SPATA16: variants seen among roughly 807,000 people sequenced by gnomAD.
SPATA16 encodes the protein spermatogenesis associated 16.
A neutral mutation model predicts 63.3 loss-of-function variants in SPATA16; 36 were observed. The observed-to-expected ratio is 0.57, with a 90% confidence interval of 0.44 to 0.75. SPATA16 has a LOEUF of 0.75. Ranked by LOEUF, SPATA16 falls within the 30% of genes least tolerant of loss-of-function variation. The pLI is 0.00. For synonymous variants in SPATA16, 203 were observed against 216.7 expected (o/e 0.94, Z 0.56); for missense variants, 646 against 679.3 (o/e 0.95, Z 0.54).
intron 6 of SPATA16, among the ~76,000 whole-genome samples, chr3:172,931,387 C>T (rs983181488): frequency 1.7e-4 from 26 of 152,164 alleles, no homozygotes; most frequent in Admixed American, 9.8e-4. Context: ...ACTAAAGGTA[C>T]ATGCCCCCAT....
At chr3:173,026,510 T>C (rs1735457013) in intron 3 of SPATA16, among the ~76,000 whole-genome samples, 1 of 151,962 alleles carries the variant, frequency 6.6e-6, no homozygotes, top group East Asian at 1.9e-4. Context: ...AAAACTTTGC[T>C]TAATCCAAGG....
At chr3:172,920,512 G>T (rs536084194) in intron 8 of SPATA16, among the ~76,000 whole-genome samples, 1 of 152,276 alleles carries the variant, frequency 6.6e-6, no homozygotes, top group African/African-American at 2.4e-5. Context: ...AAATGCTTTG[G>T]TTGAGAGTAA....
At chr3:172,941,995 A>G (rs1038616621) in intron 6 of SPATA16, among the ~76,000 whole-genome samples, 2 of 152,168 alleles carry the variant, frequency 1.3e-5, no homozygotes, top group African/African-American at 4.8e-5. Flanking sequence ...ATAAAGAAAA[A>G]ATGAATAAAA....
At chr3:173,134,743 G>A (rs1738493273) in intron 1 of SPATA16, among the ~76,000 whole-genome samples, 1 of 152,142 alleles carries the variant, frequency 6.6e-6, no homozygotes, top group Non-Finnish European at 1.5e-5. Context: ...AACAGAATAA[G>A]TCAAAAACTA....
intron 5 of SPATA16, among the ~76,000 whole-genome samples, chr3:172,957,185 C>G (rs1733617589): frequency 6.6e-6 from 1 of 152,048 alleles, no homozygotes; most frequent in African/African-American, 2.4e-5. Flanking sequence ...CATTGGTGAG[C>G]AATTTGTATA....
chr3:173,078,467 C>T (rs887159045), intron 2 of SPATA16, among the ~76,000 whole-genome samples: 5 of 152,146 alleles, frequency 3.3e-5, no homozygotes, highest in African/African-American at 1.2e-4. Context: ...AAAAACGTAT[C>T]TGTTGGTTAA....
chr3:172,935,796 T>C (rs2109593093), intron 6 of SPATA16, among the ~76,000 whole-genome samples: 1 of 152,292 alleles, frequency 6.6e-6, no homozygotes, highest in East Asian at 1.9e-4. Context: ...CCTCTGGGAA[T>C]TTTCACTATA....
intron 3 of SPATA16, among the ~76,000 whole-genome samples, chr3:173,034,983 T>A (rs1466339524): frequency 1.3e-5 from 2 of 152,162 alleles, no homozygotes; most frequent in Non-Finnish European, 2.9e-5. Context: ...CTGTATTGAG[T>A]CTCAACCTGT....
intron 6 of SPATA16, among the ~76,000 whole-genome samples, chr3:172,950,395 A>G (rs1499635): frequency 0.087 from 13,304 of 152,210 alleles, 1,943 homozygotes; most frequent in African/African-American, 0.3. Flanking sequence ...CCTTGGGAAC[A>G]ATTTTCTGAT....
chr3:172,917,303 T>A (rs1033102947), intron 8 of SPATA16, among the ~76,000 whole-genome samples: 13 of 152,204 alleles, frequency 8.5e-5, no homozygotes, highest in Admixed American at 8.5e-4. Context: ...CTTAAGTTTA[T>A]CTTTAAGAAA....
chr3:173,035,942 A>G (rs1427878999), intron 3 of SPATA16, among the ~76,000 whole-genome samples: 1 of 150,554 alleles, frequency 6.6e-6, no homozygotes, highest in Non-Finnish European at 1.5e-5. Flanking sequence ...CTTTACCATT[A>G]TGGACACTCA....
chr3:173,082,238 C>G (rs1451147082), intron 2 of SPATA16, among the ~76,000 whole-genome samples: 1 of 152,154 alleles, frequency 6.6e-6, no homozygotes, highest in Non-Finnish European at 1.5e-5. Flanking sequence ...ACAAATCAAG[C>G]TAACAAACCA....
At chr3:172,892,931 A>G (rs1731923998) in intron 10 of SPATA16, among the ~76,000 whole-genome samples, 1 of 152,198 alleles carries the variant, frequency 6.6e-6, no homozygotes, top group Non-Finnish European at 1.5e-5. Flanking sequence ...TTGACATTAC[A>G]GTGATATGGA....
intron 4 of SPATA16, among the ~76,000 whole-genome samples, chr3:172,992,748 G>A (rs187165205): frequency 1.3e-5 from 2 of 152,174 alleles, no homozygotes; most frequent in East Asian, 3.9e-4. Flanking sequence ...TCAAGGCCCT[G>A]CCCAAATGGG....
chr3:173,059,234 A>G (rs902213486), intron 2 of SPATA16, among the ~76,000 whole-genome samples: 2 of 149,752 alleles, frequency 1.3e-5, no homozygotes, highest in African/African-American at 4.9e-5. Context: ...TAAGTCTTGT[A>G]TTCTGCTTTC....
intron 6 of SPATA16, among the ~76,000 whole-genome samples, chr3:172,956,120 A>AT (rs1733587503): frequency 6.6e-6 from 1 of 152,092 alleles, no homozygotes; most frequent in Non-Finnish European, 1.5e-5. Flanking sequence ...AGTACAAAAT[A>AT]TTTTTTGCAT....
At chr3:172,979,293 GC>G (rs1302150742) in intron 4 of SPATA16, among the ~76,000 whole-genome samples, 1 of 151,750 alleles carries the variant, frequency 6.6e-6, no homozygotes, top group Non-Finnish European at 1.5e-5. Context: ...CAGCCACAGT[GC>G]CCCTTGGATA....
intron 2 of SPATA16, among the ~76,000 whole-genome samples, chr3:173,082,735 A>G (rs1736956130): frequency 6.6e-6 from 1 of 152,184 alleles, no homozygotes; most frequent in East Asian, 1.9e-4. Context: ...CTTTGCCTAG[A>G]AGAGAGGAAC....
intron 2 of SPATA16, among the ~76,000 whole-genome samples, chr3:173,072,645 G>A (rs1404434407): frequency 6.6e-6 from 1 of 152,114 alleles, no homozygotes; most frequent in Non-Finnish European, 1.5e-5. Flanking sequence ...TGATTGTGAG[G>A]CCTCCCCAGA....
Sources: allele counts gnomAD v4.1 joint callset (sites outside exome capture counted in the v4.1 genomes callset), GRCh38; gene constraint gnomAD v4.1.1; transcripts MANE v1.5; gene names NCBI Gene and HGNC (gene_info 2026-07-23, HGNC 2026-07-21).